The following HSPG2 variants were observed in gnomAD, a reference collection of about 807,000 sequenced individuals.
The protein encoded by HSPG2 is heparan sulfate proteoglycan 2, also known as basement membrane-specific heparan sulfate proteoglycan core protein.
Under a neutral mutation model 526.6 loss-of-function variants are expected in HSPG2, and 278 were observed. The ratio of observed to expected loss-of-function variants is 0.53; its 90% CI spans 0.48 to 0.58. The LOEUF is 0.58. Among genes scored for constraint, HSPG2 ranks in the 20% least tolerant of loss-of-function variants. The pLI, the probability that HSPG2 is intolerant of heterozygous loss-of-function variation, is 0.00. For missense variants in HSPG2, 5,354 were observed against 6,099.5 expected, an observed-to-expected ratio of 0.88 and a Z score of 4.07; for synonymous variants, 2,465 against 2,555.4, an observed-to-expected ratio of 0.96 and a Z score of 1.07.
chr1:21,919,423 C>A (rs112758861), intron 1 of HSPG2, among the ~76,000 whole-genome samples: 7 of 102,124 alleles, frequency 6.9e-5, no homozygotes, highest in Non-Finnish European at 1.5e-4. Flanking sequence ...AAGACCCTGT[C>A]TCAAAAAAAA....
chr1:21,835,770 G>A (rs912803533), intron 75 of HSPG2, 133 bp from the exon 76 acceptor site: 2 of 664,258 alleles, frequency 3.0e-6, no homozygotes, highest in South Asian at 3.1e-5. Context: ...CATCACTTGA[G>A]ATCAGGAGCT....
Position 21,838,955 on chromosome 1 carries a change from A to T in HSPG2, c.10020T>A (p.Pro3340=). The T allele has an allele frequency of 6.2e-7, 1 of 1,612,680 alleles. No individual in the cohort carries two copies. The highest frequency in any genetic ancestry group is 1.1e-5 in the South Asian group (1 of 91,062). ...FQWSRVGSSL[P]GRATARNELL... Reference sequence around the variant, plus strand: ...GCTCGTTCCTGGCGGTCGCCCTCCCAGGAAGGCTGCTGCCCACGCGGCTCC... The same window carrying T: ...GCTCGTTCCTGGCGGTCGCCCTCCCTGGAAGGCTGCTGCCCACGCGGCTCC... The change falls in exon 74 of 97, where the codon CCT becomes CCA. Residue 3340 remains proline (P), a synonymous_variant. Coordinates refer to ENST00000374695, the MANE Select transcript of HSPG2 (RefSeq NM_005529.7).
chr1:21,928,232 G>C (rs1213054493), intron 1 of HSPG2, among the ~76,000 whole-genome samples: 1 of 152,212 alleles, frequency 6.6e-6, no homozygotes, highest in East Asian at 1.9e-4. Context: ...GTGGCTCTGA[G>C]ACCAATGAGG....
intron 13 of HSPG2, among the ~76,000 whole-genome samples, chr1:21,882,400 TACACACACACACACACACACACAC>T (rs56357321): frequency 1.4e-5 from 2 of 142,692 alleles, no homozygotes; most frequent in Admixed American, 1.4e-4. Flanking sequence ...CTCTTCTATG[TACACACACACACACACACACACAC>T]ACACACACAC....
intron 9 of HSPG2, among the ~76,000 whole-genome samples, chr1:21,885,942 C>T (rs1359259335): frequency 6.6e-6 from 1 of 152,232 alleles, no homozygotes; most frequent in Non-Finnish European, 1.5e-5. Flanking sequence ...CTGGAAGTGG[C>T]CCGGGACAAG....
intron 1 of HSPG2, among the ~76,000 whole-genome samples, chr1:21,930,301 C>A (rs1332834580): frequency 6.6e-6 from 1 of 152,154 alleles, no homozygotes; most frequent in African/African-American, 2.4e-5. Context: ...CTTTTCCTAC[C>A]ACCCCACCCT....
In HSPG2 at chr1:21,823,606, C is replaced by T. The variant is rs1364559364; in HGVS notation, c.13003+10G>A. 5.0e-6 allele frequency: 8 copies of T among 1,612,738 alleles called. No individual in the cohort carries two copies. In the Admixed American group the frequency reaches 8.3e-5, roughly 17 times the overall value. ...CCTGCCCCTGCCCTGAGAAGGAGCC[C>T]CAGACTTACCGATGTAGACGCTGCC... On this transcript the variant is annotated intron_variant, in intron 96 of 96. Coordinates refer to ENST00000374695, the MANE Select transcript of HSPG2 (RefSeq NM_005529.7).
rs746732796 is a variant in HSPG2, at chr1:21,880,250, G to A, written c.2200C>T (p.Pro734Ser). 7 of 1,614,192 alleles carry A rather than the reference G, an allele frequency of 4.3e-6. No homozygotes were observed. In the South Asian group the frequency reaches 7.7e-5, roughly 18 times the overall value. ...RAHSVEECRCPIGYSGLSCES... is the reference protein window; with the variant it reads ...RAHSVEECRCSIGYSGLSCES... ...CAGGACAAGCCAGAATAGCCAATGGGGCATCTGTGGGGACAGGACCAAAAG... is the reference window on the plus strand; with the variant it reads ...CAGGACAAGCCAGAATAGCCAATGGAGCATCTGTGGGGACAGGACCAAAAG... The change falls in exon 17 of 97, where the codon CCC (proline) becomes TCC (serine). Residue 734 changes from proline to serine, a missense_variant. By Grantham distance (74) the Pro-to-Ser change is moderately conservative. Coordinates refer to ENST00000374695, the MANE Select transcript of HSPG2 (RefSeq NM_005529.7).
intron 1 of HSPG2, among the ~76,000 whole-genome samples, chr1:21,925,091 C>A (rs751729441): frequency 1.3e-5 from 2 of 152,242 alleles, no homozygotes; most frequent in African/African-American, 4.8e-5. Flanking sequence ...CTGAAGGCAG[C>A]CTCTACCTTC....
chr1:21,828,711 C>CTG lies in HSPG2; in HGVS notation c.12237+122_12237+123dup. On this transcript the variant is annotated intron_variant, in intron 88 of 96. Coordinates refer to ENST00000374695, the MANE Select transcript of HSPG2 (RefSeq NM_005529.7). The surrounding 1 kb of genome is among the most constrained non-coding windows in gnomAD (Gnocchi z 6.0). ...AACTGAGGCTCAGAGGTACAGTGTC[C>CTG]TGGCCCAGGGCCCGTGGGTGGCTGC... The CTG allele has an allele frequency of 7.2e-7, 1 of 1,388,838 alleles. No homozygotes were observed. Among genetic ancestry groups the CTG allele is most frequent in the Non-Finnish European group, 9.9e-7 (1 of 1,009,886 alleles). The allele number at this position is 1,388,838 out of a possible 1,614,324, so 86.0% of individuals were successfully genotyped here.
In HSPG2 at chr1:21,865,151, G is replaced by A; in HGVS notation, c.4396-78C>T. 1.3e-6 allele frequency: 2 copies of A among 1,532,636 alleles called. No homozygotes were observed. Among genetic ancestry groups the A allele is most frequent in the Non-Finnish European group, 1.8e-6 (2 of 1,109,676 alleles). The allele number at this position is 1,532,636 out of a possible 1,614,324, so 94.9% of individuals were successfully genotyped here. ...CTACAGTTACCACCCCCCAAATCCTGCCTTACAGGCACTGACTGAGGGCTG... is the reference window on the plus strand; with the variant it reads ...CTACAGTTACCACCCCCCAAATCCTACCTTACAGGCACTGACTGAGGGCTG... On this transcript the variant is annotated intron_variant, in intron 35 of 96. Transcript: ENST00000374695. The surrounding 1 kb of genome is among the most constrained non-coding windows in gnomAD (Gnocchi z 5.4).
At chr1:21,934,860 C>T (rs992403465) in intron 1 of HSPG2, among the ~76,000 whole-genome samples, 9 of 149,994 alleles carry the variant, frequency 6.0e-5, no homozygotes, top group African/African-American at 2.2e-4. Context: ...CTCCCAAAGT[C>T]CTGGGATTAC....
At position 21,854,429 on chromosome 1, in the gene HSPG2, TCTCACTGG is replaced by T. The variant is rs1274802976; in HGVS notation, c.6289-94_6289-87del. ...CTCAGCCTCAGTGATTCATTCAAAC[TCTCACTGG>T]CTCTGCTCCGAGCCATCCCATGCTA... On this transcript the variant is annotated intron_variant, in intron 49 of 96. Transcript: ENST00000374695. The T allele has an allele frequency of 1.5e-5, 22 of 1,507,600 alleles. No homozygotes were observed. In the African/African-American group the frequency reaches 2.2e-4, roughly 15 times the overall value. 93.4% of individuals were successfully genotyped at this position (1,507,600 alleles called of 1,614,324 possible).
intron 50 of HSPG2, chr1:21,853,794 A>G (rs1193903616): frequency 4.8e-6 from 1 of 209,094 alleles, no homozygotes; most frequent in Non-Finnish European, 9.6e-6. Flanking sequence ...AATAAAATAA[A>G]ATAATAAAAA....
chr1:21,850,204 G>A lies in HSPG2; in HGVS notation c.7295-12C>T. On this transcript the variant is annotated splice_polypyrimidine_tract_variant and intron_variant, in intron 56 of 96. Coordinates refer to ENST00000374695, the MANE Select transcript of HSPG2 (RefSeq NM_005529.7). ...GGTGACCCCAAGTGCTGGGGACAGAGGGCAAAGGGTCAATAGCCGGCTAGG... is the reference window on the plus strand; with the variant it reads ...GGTGACCCCAAGTGCTGGGGACAGAAGGCAAAGGGTCAATAGCCGGCTAGG... 6.2e-7 allele frequency: 1 copy of A among 1,613,318 alleles called. No homozygotes were observed.
At chr1:21,897,538 C>T (rs982968944) in intron 1 of HSPG2, among the ~76,000 whole-genome samples, 6 of 152,142 alleles carry the variant, frequency 3.9e-5, no homozygotes, top group South Asian at 4.1e-4. Context: ...GTTTCTCAGG[C>T]GAACTCCAAT....
In HSPG2 at chr1:21,880,703, G is replaced by A. The variant is rs894861065; in HGVS notation, c.1951C>T (p.Pro651Ser). The part of the protein sequence containing the change: ...GYRLLSRGHT[P>S]TQPGALNQRQ... The stretch of plus-strand genomic sequence containing the variant: ...TGGTTCAGAGCACCAGGTTGGGTGG[G>A]TGTGTGGCCTCGGGAGAGGAGGCGG... The change falls in exon 15 of 97, where the codon CCC becomes TCC. Residue 651 changes from proline to serine, a missense_variant. Pro to Ser is a moderately conservative substitution (Grantham distance 74). Coordinates refer to ENST00000374695, the MANE Select transcript of HSPG2 (RefSeq NM_005529.7). 17 of 1,599,984 alleles carry A rather than the reference G, an allele frequency of 1.1e-5. No homozygotes were observed. The highest frequency in any genetic ancestry group is 1.7e-5 in the Admixed American group (1 of 57,718).
At chr1:21,835,003 G>A (rs755612523) in intron 76 of HSPG2, 58 bp from the exon 77 acceptor site, 1 of 1,591,768 alleles carries the variant, frequency 6.3e-7, no homozygotes, top group East Asian at 2.2e-5. Flanking sequence ...CTGGCCCGAG[G>A]GAGGCCATAG....
rs1293251861 is a variant in HSPG2 at position 21,829,038 on chromosome 1, G to C, written c.12034C>G (p.Arg4012Gly). 1 of 1,549,924 alleles carries C rather than the reference G, an allele frequency of 6.5e-7. No homozygotes were observed. The highest frequency in any genetic ancestry group is 8.7e-7 in the Non-Finnish European group (1 of 1,147,970). ...CGCTCTGCAGACACACGGTGCCAGCGGCCCAGGGCCAGCGGCTCGGCGCTC... is the reference window on the plus strand; with the variant it reads ...CGCTCTGCAGACACACGGTGCCAGCCGCCCAGGGCCAGCGGCTCGGCGCTC... ...LRSAEPLALG[R>G]WHRVSAERLN... The change falls in exon 88 of 97, where the codon CGC becomes GGC. Residue 4012 changes from arginine to glycine, a missense_variant. By Grantham distance (125) the Arg-to-Gly change is moderately radical (BLOSUM62 -2). Transcript: ENST00000374695.
Sources: gnomAD v4.1 joint callset for allele counts (sites outside exome capture counted in the v4.1 genomes callset) on GRCh38, gnomAD v4.1.1 for gene constraint, Gnocchi (gnomAD v3.1) non-coding constraint, MANE v1.5 for transcripts, NCBI Gene and HGNC (gene_info 2026-07-23, HGNC 2026-07-21) for gene names.